Variants in MYO3B observed in about 807,000 individuals in gnomAD.
The protein encoded by MYO3B is myosin-IIIb.
A neutral mutation model predicts 174.6 loss-of-function variants in MYO3B; 156 were observed. That is an observed-to-expected ratio of 0.89 (90% CI 0.78 to 1.02). The LOEUF (loss-of-function observed/expected upper bound fraction) is 1.02. Ranked by LOEUF, MYO3B falls within the 50% of genes least tolerant of loss-of-function variation. The pLI, the probability that MYO3B is intolerant of heterozygous loss-of-function variation, is 0.00. For synonymous variants in MYO3B, 563 were observed against 569.1 expected, an observed-to-expected ratio of 0.99 and a Z score of 0.15; for missense variants, 1,632 against 1,639.4, an observed-to-expected ratio of 1.00 and a Z score of 0.08.
At chr2:170,275,931 A>C (rs1016494114) in intron 7 of MYO3B, among the ~76,000 whole-genome samples, 5 of 152,154 alleles carry the variant, frequency 3.3e-5, no homozygotes, top group African/African-American at 1.2e-4. Context: ...ATTCTCCATC[A>C]GTTATGTTTT....
chr2:170,630,551 C>T (rs1316124400), intron 32 of MYO3B, among the ~76,000 whole-genome samples: 3 of 152,224 alleles, frequency 2.0e-5, no homozygotes, highest in Non-Finnish European at 4.4e-5. Context: ...AGCAGTGGTT[C>T]TCCCAGCACA....
intron 1 of MYO3B, among the ~76,000 whole-genome samples, chr2:170,189,762 C>T (rs2092516230): frequency 6.6e-6 from 1 of 152,054 alleles, no homozygotes; most frequent in Admixed American, 6.6e-5. Flanking sequence ...TGTTGAGTTT[C>T]CTCAAAGCAG....
chr2:170,320,270 C>G (rs1465011708), intron 7 of MYO3B, among the ~76,000 whole-genome samples: 2 of 152,138 alleles, frequency 1.3e-5, no homozygotes, highest in African/African-American at 4.8e-5. Context: ...TGATCTTGAA[C>G]TCTTGGGCTC....
intron 8 of MYO3B, among the ~76,000 whole-genome samples, chr2:170,351,452 TAGA>T (rs1352668255): frequency 1.3e-5 from 2 of 151,920 alleles, no homozygotes; most frequent in Non-Finnish European, 1.5e-5. Flanking sequence ...CTGAGGATGG[TAGA>T]AGGATATATA....
chr2:170,600,105 T>C (rs1367216968), intron 32 of MYO3B, among the ~76,000 whole-genome samples: 1 of 150,580 alleles, frequency 6.6e-6, no homozygotes, highest in Non-Finnish European at 1.5e-5. Flanking sequence ...TAGAGAACTC[T>C]GAAGATAAGC....
chr2:170,294,498 T>A (rs1181071600), intron 7 of MYO3B, among the ~76,000 whole-genome samples: 1 of 152,056 alleles, frequency 6.6e-6, no homozygotes, highest in Non-Finnish European at 1.5e-5. Context: ...TTTATTTTAC[T>A]GTGGTTATAT....
chr2:170,314,907 G>T (rs2093764375), intron 7 of MYO3B, among the ~76,000 whole-genome samples: 1 of 152,140 alleles, frequency 6.6e-6, no homozygotes, highest in Non-Finnish European at 1.5e-5. Context: ...TCAGTTTTGT[G>T]CCCACTATGC....
chr2:170,279,494 A>C (rs912243289), intron 7 of MYO3B, among the ~76,000 whole-genome samples: 1 of 151,682 alleles, frequency 6.6e-6, no homozygotes, highest in South Asian at 2.1e-4. Flanking sequence ...TCAGGGGTAC[A>C]TGTGAAGGTT....
chr2:170,263,207 TCTC>T (rs1441742247), intron 7 of MYO3B, among the ~76,000 whole-genome samples: 1 of 152,180 alleles, frequency 6.6e-6, no homozygotes, highest in Non-Finnish European at 1.5e-5. Context: ...AGACGGTTTT[TCTC>T]CTCCGCATAG....
intron 7 of MYO3B, among the ~76,000 whole-genome samples, chr2:170,305,224 C>G (rs192637056): frequency 6.6e-6 from 1 of 152,216 alleles, no homozygotes; most frequent in Admixed American, 6.5e-5. Context: ...TAGGATAGTT[C>G]ATCCTTTCCT....
At chr2:170,381,955 G>T in intron 9 of MYO3B, 61 bp from the exon 10 acceptor site, 1 of 1,397,240 alleles carries the variant, frequency 7.2e-7, no homozygotes, top group Admixed American at 1.7e-5. Context: ...CATGCTTGCT[G>T]CCCGCTTTCT....
At chr2:170,422,703 G>C (rs563755947) in intron 22 of MYO3B, among the ~76,000 whole-genome samples, 1 of 151,730 alleles carries the variant, frequency 6.6e-6, no homozygotes, top group African/African-American at 2.4e-5. Context: ...TGATCCACCC[G>C]CCTTGGCCCC....
At chr2:170,605,785 A>G (rs770928685) in intron 32 of MYO3B, among the ~76,000 whole-genome samples, 4 of 151,984 alleles carry the variant, frequency 2.6e-5, no homozygotes, top group African/African-American at 4.8e-5. Context: ...GCTTGAACCC[A>G]GGAGGCAGAG....
At chr2:170,245,192 G>A (rs2093176347) in intron 7 of MYO3B, among the ~76,000 whole-genome samples, 1 of 152,176 alleles carries the variant, frequency 6.6e-6, no homozygotes, top group Non-Finnish European at 1.5e-5. Flanking sequence ...TGGTGTGCTG[G>A]ATGACAGGCT....
At chr2:170,486,007 G>GGAGAGAGAGAGAGAGAGA (rs138105393) in intron 25 of MYO3B, among the ~76,000 whole-genome samples, 11 of 149,848 alleles carry the variant, frequency 7.3e-5, no homozygotes. Flanking sequence ...AAAGAAAGAG[G>GGAGAGAGAGAGAGAGAGA]GAGAGAGAGA....
intron 25 of MYO3B, among the ~76,000 whole-genome samples, chr2:170,494,590 T>TGGTG (rs1686717814): frequency 6.6e-6 from 1 of 151,818 alleles, no homozygotes; most frequent in Admixed American, 6.6e-5. Context: ...TAGCCAGGTA[T>TGGTG]GGTGGTACAT....
intron 6 of MYO3B, among the ~76,000 whole-genome samples, chr2:170,224,352 G>A (rs2092930468): frequency 6.6e-6 from 1 of 152,162 alleles, no homozygotes; most frequent in Non-Finnish European, 1.5e-5. Context: ...AGAGAGCATG[G>A]GAATGCAAGT....
chr2:170,626,526 T>G (rs1391595775), intron 32 of MYO3B, among the ~76,000 whole-genome samples: 1 of 152,226 alleles, frequency 6.6e-6, no homozygotes, highest in Admixed American at 6.5e-5. Context: ...CTGTGTCAAT[T>G]GGAGCATTTA....
At position 170,200,244 on chromosome 2, in the gene MYO3B, C is replaced by T. The variant is rs200712982; in HGVS notation, c.281C>T (p.Ala94Val). 291 of 1,613,256 alleles carry T rather than the reference C, an allele frequency of 1.8e-4. No individual in the cohort carries two copies. Among genetic ancestry groups the T allele is most frequent in the East Asian group, 2.5e-4 (11 of 44,830 alleles). Reference protein sequence around the residue: ...VVKFYGMFYKADHCVGGQLWL... With the variant: ...VVKFYGMFYKVDHCVGGQLWL... ...AAGTTTTATGGGATGTTTTACAAAGCGGATCACTGTGTAGGGGGACAGCTG... is the reference window on the plus strand; with the variant it reads ...AAGTTTTATGGGATGTTTTACAAAGTGGATCACTGTGTAGGGGGACAGCTG... Residue 94 changes from alanine (A) to valine (V), a missense_variant, in exon 3 of 35, where the codon GCG (alanine) becomes GTG (valine). Physicochemically the swap from Ala to Val is moderately conservative, Grantham distance 64. Transcript: ENST00000408978.
Sources: gnomAD v4.1 joint callset for allele counts (sites outside exome capture counted in the v4.1 genomes callset) on GRCh38, gnomAD v4.1.1 for gene constraint, MANE v1.5 for transcripts, NCBI Gene and HGNC (gene_info 2026-07-23, HGNC 2026-07-21) for gene names.